Variants in STXBP6 observed in about 807,000 individuals in gnomAD.
STXBP6 encodes the protein syntaxin-binding protein 6.
Under a neutral mutation model 26.9 loss-of-function variants are expected in STXBP6, and 21 were observed. That is an observed-to-expected ratio of 0.78 (90% CI 0.55 to 1.12). STXBP6 has a LOEUF of 1.12. Among genes scored for constraint, STXBP6 ranks in the 50% most tolerant of loss-of-function variants. STXBP6 has a pLI of 0.00. For missense variants in STXBP6, 232 were observed against 257.9 expected, an observed-to-expected ratio of 0.90 and a Z score of 0.69; for synonymous variants, 97 against 92.6, an observed-to-expected ratio of 1.05 and a Z score of -0.27.
chr14:25,021,925 G>C lies in STXBP6; in HGVS notation c.-33+27953C>G, dbSNP rs556719379. Among the ~76,000 whole-genome samples the C allele has an allele frequency of 1.3e-4, 20 of 152,264 alleles. No homozygotes were observed. The East Asian group carries it at 3.3e-3, about 25-fold the overall frequency. On this transcript the variant is annotated intron_variant, in intron 1 of 5. Coordinates refer to ENST00000323944, the MANE Select transcript of STXBP6 (RefSeq NM_001394410.1). The stretch of plus-strand genomic sequence containing the variant: ...ACACAGTAGAATGAGCAAGATAACT[G>C]TCAACAGATCCTAGGCATCAAGGGA...
intron 1 of STXBP6, among the ~76,000 whole-genome samples, chr14:25,047,760 C>A (rs141327439): frequency 1.8e-3 from 275 of 152,314 alleles, no homozygotes; most frequent in South Asian, 8.7e-3. Flanking sequence ...CTCACCTGTT[C>A]TTGCCTTCAA....
chr14:25,044,596 C>A (rs1056975574), intron 1 of STXBP6, among the ~76,000 whole-genome samples: 1 of 152,214 alleles, frequency 6.6e-6, no homozygotes, highest in African/African-American at 2.4e-5. Context: ...GCTATTTCAA[C>A]GAATTTACAG....
intron 2 of STXBP6, among the ~76,000 whole-genome samples, chr14:24,883,654 C>T (rs2070456774): frequency 8.1e-6 from 1 of 123,918 alleles, no homozygotes; most frequent in Admixed American, 9.2e-5. Flanking sequence ...TGAAAAACTT[C>T]CCAGATATTC....
intron 2 of STXBP6, among the ~76,000 whole-genome samples, chr14:24,968,986 G>C (rs993919476): frequency 6.6e-6 from 1 of 152,106 alleles, no homozygotes; most frequent in African/African-American, 2.4e-5. Context: ...CAGGCCATCT[G>C]TACTTTGAGA....
chr14:25,007,542 C>T (rs562571753), intron 1 of STXBP6, among the ~76,000 whole-genome samples: 12 of 152,238 alleles, frequency 7.9e-5, no homozygotes, highest in South Asian at 4.2e-4. Context: ...TAGTTTTCCC[C>T]GTAGCTCATA....
At chr14:25,034,023 A>G (rs2075508157) in intron 1 of STXBP6, among the ~76,000 whole-genome samples, 1 of 152,196 alleles carries the variant, frequency 6.6e-6, no homozygotes, top group Non-Finnish European at 1.5e-5. Context: ...TATTTGAGGA[A>G]GGGGAGAGAA....
chr14:24,942,523 T>C (rs2072839129), intron 2 of STXBP6, among the ~76,000 whole-genome samples: 1 of 152,166 alleles, frequency 6.6e-6, no homozygotes, highest in African/African-American at 2.4e-5. Flanking sequence ...CAGTGTGCTG[T>C]TCAGAAAACT....
intron 2 of STXBP6, among the ~76,000 whole-genome samples, chr14:24,971,319 G>A (rs1236335640): frequency 6.6e-6 from 1 of 152,194 alleles, no homozygotes; most frequent in Non-Finnish European, 1.5e-5. Context: ...AGCTTTTAAA[G>A]TAGTGATACT....
intron 4 of STXBP6, among the ~76,000 whole-genome samples, chr14:24,829,899 C>G (rs2068406880): frequency 6.6e-6 from 1 of 152,020 alleles, no homozygotes; most frequent in Admixed American, 6.6e-5. Flanking sequence ...AATAAAAAAA[C>G]TGAATTGCTG....
At chr14:25,003,529 A>T (rs2074817142) in intron 1 of STXBP6, among the ~76,000 whole-genome samples, 1 of 152,220 alleles carries the variant, frequency 6.6e-6, no homozygotes. Flanking sequence ...CTAAGGTACA[A>T]ACCTAGCTAC....
At position 25,049,954 on chromosome 14, in the gene STXBP6, C is replaced by G; in HGVS notation, c.-109G>C. The G allele has an allele frequency of 8.0e-6, 7 of 879,802 alleles. No homozygotes were observed. Among genetic ancestry groups the G allele is most frequent in the Non-Finnish European group, 9.5e-6 (7 of 735,560 alleles). The allele number at this position is 879,802 out of a possible 1,614,324, so 54.5% of individuals were successfully genotyped here. On this transcript the variant is annotated 5_prime_UTR_variant, in exon 1 of 6. Coordinates refer to ENST00000323944, the MANE Select transcript of STXBP6 (RefSeq NM_001394410.1). The surrounding 1 kb of genome is among the most constrained non-coding windows in gnomAD (Gnocchi z 5.6). ...GAGCACGAGGCTCCTCCCCGGGGGGCTGCCCCGCGCGGGGCTCCGGGCTCC... is the reference window on the plus strand; with the variant it reads ...GAGCACGAGGCTCCTCCCCGGGGGGGTGCCCCGCGCGGGGCTCCGGGCTCC...
chr14:24,815,112 C>A (rs1007543638), intron 5 of STXBP6, among the ~76,000 whole-genome samples: 2 of 152,148 alleles, frequency 1.3e-5, no homozygotes, highest in African/African-American at 4.8e-5. Flanking sequence ...AAGAGCACTG[C>A]ATGAAATGAG....
intron 2 of STXBP6, among the ~76,000 whole-genome samples, chr14:24,862,083 A>C (rs865949201): frequency 5.9e-5 from 9 of 152,224 alleles, no homozygotes; most frequent in Admixed American, 6.5e-5. Flanking sequence ...GTGCAGCCTC[A>C]ATCTCCTGGG....
At chr14:24,884,454 T>G (rs2070492927) in intron 2 of STXBP6, among the ~76,000 whole-genome samples, 1 of 152,140 alleles carries the variant, frequency 6.6e-6, no homozygotes, top group African/African-American at 2.4e-5. Flanking sequence ...GGAATCCTAT[T>G]TTGACTCATT....
chr14:24,997,114 C>T (rs2074624557), intron 1 of STXBP6, among the ~76,000 whole-genome samples: 1 of 152,138 alleles, frequency 6.6e-6, no homozygotes, highest in African/African-American at 2.4e-5. Context: ...ATTCACACAG[C>T]ATGCATATGT....
At chr14:25,008,732 C>A (rs1480229015) in intron 1 of STXBP6, among the ~76,000 whole-genome samples, 1 of 152,098 alleles carries the variant, frequency 6.6e-6, no homozygotes, top group East Asian at 1.9e-4. Flanking sequence ...AGACTACCAG[C>A]TTGAGAATGT....
intron 2 of STXBP6, among the ~76,000 whole-genome samples, chr14:24,861,267 T>A (rs1289385289): frequency 6.6e-6 from 1 of 152,102 alleles, no homozygotes; most frequent in Non-Finnish European, 1.5e-5. Context: ...ACATTTTGAT[T>A]TCAACAAGAG....
At chr14:24,835,191 G>A (rs1334660585) in intron 4 of STXBP6, among the ~76,000 whole-genome samples, 1 of 152,158 alleles carries the variant, frequency 6.6e-6, no homozygotes, top group Non-Finnish European at 1.5e-5. Context: ...ATGGTGAAAT[G>A]ACAAAGATGC....
At chr14:24,988,464 T>C (rs2074388050) in intron 1 of STXBP6, among the ~76,000 whole-genome samples, 1 of 152,170 alleles carries the variant, frequency 6.6e-6, no homozygotes, top group South Asian at 2.1e-4. Context: ...CAAGTACAGT[T>C]TAATCTTTCA....
Sources: allele counts gnomAD v4.1 joint callset (sites outside exome capture counted in the v4.1 genomes callset), GRCh38; gene constraint gnomAD v4.1.1; non-coding constraint Gnocchi (gnomAD v3.1); transcripts MANE v1.5; gene names NCBI Gene and HGNC (gene_info 2026-07-23, HGNC 2026-07-21).